Variants in LGALS1 observed in about 807,000 individuals in gnomAD.
LGALS1 encodes galectin 1, also known as galectin-1.
LGALS1 carries 14 observed loss-of-function variants against 14.4 expected under a neutral mutation model. That is an observed-to-expected ratio of 0.97 (90% CI 0.64 to 1.52). The LOEUF (loss-of-function observed/expected upper bound fraction) is 1.52, where lower values mean the gene tolerates loss of function less well. Among genes scored for constraint, LGALS1 ranks in the 40% most tolerant of loss-of-function variants. The pLI, the probability that LGALS1 is intolerant of heterozygous loss-of-function variation, is 0.00. For synonymous variants in LGALS1, 71 were observed against 73.4 expected (o/e 0.97, Z 0.17); for missense variants, 170 against 181.4 (o/e 0.94, Z 0.36).
At position 37,679,734 on chromosome 22, in the gene LGALS1, T is replaced by C. The variant is rs1472770572; in HGVS notation, c.393T>C (p.Cys131=). Residue 131 remains cysteine, a synonymous_variant, in exon 4 of 4, where the codon TGT becomes TGC. Transcript: ENST00000215909. ...MAADGDFKIK[C]VAFD Reference sequence around the variant, plus strand: ...CTGACGGTGACTTCAAGATCAAATGTGTGGCCTTTGACTGAAATCAGCCAG... The same window carrying C: ...CTGACGGTGACTTCAAGATCAAATGCGTGGCCTTTGACTGAAATCAGCCAG... The C allele has an allele frequency of 4.4e-6, 7 of 1,598,116 alleles. No homozygotes were observed. The highest frequency in any genetic ancestry group is 1.3e-5 in the African/African-American group (1 of 74,360).
Position 37,677,044 on chromosome 22 carries a change from AGGT to A in LGALS1, c.71_73del (p.Val24del). 9 of 1,613,956 alleles carry A rather than the reference AGGT, an allele frequency of 5.6e-6. No homozygotes were observed. Among genetic ancestry groups the A allele is most frequent in the Non-Finnish European group, 7.6e-6 (9 of 1,179,958 alleles). On this transcript the variant is annotated inframe_deletion, in exon 2 of 4. Coordinates refer to ENST00000215909, the MANE Select transcript of LGALS1 (RefSeq NM_002305.4). ...GGAGAGTGCCTTCGAGTGCGAGGCGAGGTGGCTCCTGACGCTAAGAGGTGAGAA... is the reference window on the plus strand; with the variant it reads ...GGAGAGTGCCTTCGAGTGCGAGGCGAGGCTCCTGACGCTAAGAGGTGAGAA...
intron 1 of LGALS1, 81 bp downstream of exon 1, chr22:37,675,792 C>G: frequency 7.8e-7 from 1 of 1,280,238 alleles, no homozygotes; most frequent in Non-Finnish European, 1.0e-6. Context: ...AGATCGGGAG[C>G]AGATTCTAGC....
chr22:37,678,280 G>C (rs183015773), intron 2 of LGALS1: 2 of 708,112 alleles, frequency 2.8e-6, no homozygotes, highest in African/African-American at 3.5e-5. Flanking sequence ...GAGCCCTCCT[G>C]TGCAGCCCCC....
At chr22:37,678,269 C>A in intron 2 of LGALS1, 1 of 689,706 alleles carries the variant, frequency 1.4e-6, no homozygotes, top group South Asian at 1.5e-5. Context: ...AAGAATCAAG[C>A]GAGCCCTCCT....
chr22:37,675,696 C>T lies in LGALS1; in HGVS notation c.-7C>T, dbSNP rs948744108. 6.5e-7 allele frequency: 1 copy of T among 1,548,430 alleles called. No homozygotes were observed. The highest frequency in any genetic ancestry group is 8.7e-7 in the Non-Finnish European group (1 of 1,146,368). On this transcript the variant is annotated 5_prime_UTR_variant, in exon 1 of 4. Transcript: ENST00000215909. ...GCCTGCCCGGGAACATCCTCCTGGA[C>T]TCAATCATGGCTTGTGTGAGTGTGG...
chr22:37,675,724 A>AT lies in LGALS1; in HGVS notation c.9+13_9+14insT. The AT allele has an allele frequency of 7.1e-7, 1 of 1,407,970 alleles. No individual in the cohort carries two copies. The highest frequency in any genetic ancestry group is 9.5e-7 in the Non-Finnish European group (1 of 1,050,414). The allele number at this position is 1,407,970 out of a possible 1,614,324, so 87.2% of individuals were successfully genotyped here. A position where few individuals can be genotyped will look rare whatever the true frequency, so the allele number is the denominator to read the frequency against. On this transcript the variant is annotated intron_variant, in intron 1 of 3. Coordinates refer to ENST00000215909, the MANE Select transcript of LGALS1 (RefSeq NM_002305.4). ...AATCATGGCTTGTGTGAGTGTGGGG[A>AT]CCCCCCCCCAAGGTCCAGGGGATAG...
intron 3 of LGALS1, among the ~76,000 whole-genome samples, chr22:37,679,288 G>T (rs1260628625): frequency 6.7e-6 from 1 of 148,574 alleles, no homozygotes; most frequent in Non-Finnish European, 1.5e-5. Flanking sequence ...AAAATTAGCT[G>T]GGCGTGGTGG....
Position 37,675,693 on chromosome 22 carries a change from G to A in LGALS1, c.-10G>A, listed in dbSNP as rs921147312. 1.9e-6 allele frequency: 3 copies of A among 1,548,768 alleles called. No homozygotes were observed. In the Admixed American group the frequency reaches 5.9e-5, roughly 30 times the overall value. On this transcript the variant is annotated 5_prime_UTR_variant, in exon 1 of 4. Transcript: ENST00000215909. The stretch of plus-strand genomic sequence containing the variant: ...TGCGCCTGCCCGGGAACATCCTCCT[G>A]GACTCAATCATGGCTTGTGTGAGTG...
chr22:37,679,127 G>A (rs1211793419), intron 3 of LGALS1, among the ~76,000 whole-genome samples: 2 of 90,942 alleles, frequency 2.2e-5, no homozygotes, highest in Non-Finnish European at 4.0e-5. Flanking sequence ...GCAAAACTCT[G>A]TCTCAAAAAA....
At chr22:37,677,846 G>A (rs1012923846) in intron 2 of LGALS1, among the ~76,000 whole-genome samples, 6 of 152,000 alleles carry the variant, frequency 3.9e-5, no homozygotes, top group Non-Finnish European at 7.4e-5. Context: ...GTGCAATGGC[G>A]TGATCTCGGC....
chr22:37,675,794 G>A (rs568526557), intron 1 of LGALS1, 83 bp downstream of exon 1: 43 of 1,277,426 alleles, frequency 3.4e-5, no homozygotes, highest in Non-Finnish European at 4.1e-5. Context: ...ATCGGGAGCA[G>A]ATTCTAGCCC....
At chr22:37,678,460 C>G (rs1029714986) in intron 2 of LGALS1, 23 bp from the exon 3 acceptor site, 17 of 1,612,828 alleles carry the variant, frequency 1.1e-5, no homozygotes, top group Non-Finnish European at 1.4e-5. Flanking sequence ...GAGGTGGCCT[C>G]ATGCCCACCC....
intron 2 of LGALS1, 164 bp from the exon 3 acceptor site, chr22:37,678,319 G>C (rs1017539487): frequency 1.3e-6 from 1 of 765,094 alleles, no homozygotes; most frequent in Non-Finnish European, 2.3e-6. Context: ...CAGGGGAAGA[G>C]GGGCAGGAGC....
At chr22:37,677,373 G>A (rs1330831271) in intron 2 of LGALS1, 2 of 369,462 alleles carry the variant, frequency 5.4e-6, no homozygotes, top group Non-Finnish European at 1.0e-5. Context: ...GCTGGGGAGG[G>A]CGGGGAGAGG....
chr22:37,677,384 A>G, intron 2 of LGALS1: 1 of 349,426 alleles, frequency 2.9e-6, no homozygotes, highest in Non-Finnish European at 5.4e-6. Flanking sequence ...CGGGGAGAGG[A>G]GTGGGGCGGG....
chr22:37,678,573 G>A lies in LGALS1; in HGVS notation c.180G>A (p.Val60=). 1 of 1,613,622 alleles carries A rather than the reference G, an allele frequency of 6.2e-7. No homozygotes were observed. ...FNAHGDANTI[V]CNSKDGGAWG... is the part of the protein sequence containing the mutation. ...CCCACGGCGACGCCAACACCATCGT[G>A]TGCAACAGCAAGGACGGCGGGGCCT... Residue 60 remains valine (V), a synonymous_variant, in exon 3 of 4, where the codon GTG becomes GTA. Coordinates refer to ENST00000215909, the MANE Select transcript of LGALS1 (RefSeq NM_002305.4).
intron 2 of LGALS1, 98 bp downstream of exon 2, chr22:37,677,163 C>A: frequency 2.5e-6 from 3 of 1,199,374 alleles, no homozygotes; most frequent in Non-Finnish European, 1.2e-6. Flanking sequence ...TGGCCGGGAG[C>A]GGGTTAACGG....
At chr22:37,677,225 G>C (rs988772532) in intron 2 of LGALS1, 160 bp downstream of exon 2, 1 of 692,240 alleles carries the variant, frequency 1.4e-6, no homozygotes, top group African/African-American at 1.8e-5. Context: ...CGCAGGGTCT[G>C]GGCGCCCCCA....
Position 37,679,724 on chromosome 22 carries a change from A to G in LGALS1, c.383A>G (p.Lys128Arg), listed in dbSNP as rs1189063485. 3.7e-6 allele frequency: 6 copies of G among 1,604,708 alleles called. No homozygotes were observed. The Admixed American group carries it at 1.0e-4, about 27-fold the overall frequency. The change falls in exon 4 of 4, where the codon AAG becomes AGG. Residue 128 changes from lysine to arginine, a missense_variant. Coordinates refer to ENST00000215909, the MANE Select transcript of LGALS1 (RefSeq NM_002305.4). ...INYMAADGDF[K>R]IKCVAFD Reference sequence around the variant, plus strand: ...TACATGGCAGCTGACGGTGACTTCAAGATCAAATGTGTGGCCTTTGACTGA... The same window carrying G: ...TACATGGCAGCTGACGGTGACTTCAGGATCAAATGTGTGGCCTTTGACTGA...
Sources: gnomAD v4.1 joint callset for allele counts (sites outside exome capture counted in the v4.1 genomes callset) on GRCh38, gnomAD v4.1.1 for gene constraint, MANE v1.5 for transcripts, NCBI Gene and HGNC (gene_info 2026-07-23, HGNC 2026-07-21) for gene names.